The following BCAT2 variants were observed in gnomAD, a reference collection of about 807,000 sequenced individuals.
BCAT2 encodes the protein branched-chain-amino-acid aminotransferase, mitochondrial.
In BCAT2, 44 loss-of-function variants were observed where a neutral mutation model predicts 52.9. The observed-to-expected ratio is 0.83, with a 90% CI of 0.65 to 1.07. BCAT2 has a LOEUF of 1.07. BCAT2 is among the 50% of genes least tolerant of loss of function. The probability of loss-of-function intolerance (pLI) is 0.00; values close to 1 mark genes in which losing one functional copy is unlikely to be tolerated. For synonymous variants in BCAT2, 215 were observed against 217.1 expected, an observed-to-expected ratio of 0.99 and a Z score of 0.08; for missense variants, 478 against 521.8, an observed-to-expected ratio of 0.92 and a Z score of 0.82.
chr19:48,800,377 A>G, intron 3 of BCAT2, 80 bp from the exon 4 acceptor site: 1 of 1,247,776 alleles, frequency 8.0e-7, no homozygotes, highest in Non-Finnish European at 1.1e-6. Context: ...AGAGACAGAT[A>G]CACAAAGACA....
Position 48,799,435 on chromosome 19 carries a change from C to T in BCAT2, c.695+240G>A, listed in dbSNP as rs1599796914. 1.3e-5 allele frequency: 7 copies of T among 523,326 alleles called. 1 individual carries two copies. Among genetic ancestry groups the T allele is most frequent in the African/African-American group, 6.0e-5 (3 of 49,964 alleles). 32.4% of individuals were successfully genotyped at this position (523,326 alleles called of 1,614,324 possible). ...GACCAGTCCTGGTTTCCCCACTGAC[C>T]TCCACCCAATGCCTTCCCATCTGTG... On this transcript the variant is annotated intron_variant, in intron 6 of 10. Coordinates refer to ENST00000316273, the MANE Select transcript of BCAT2 (RefSeq NM_001190.4). The surrounding 1 kb of genome is among the most constrained non-coding windows in gnomAD (Gnocchi z 5.5).
At chr19:48,796,780 T>C in intron 8 of BCAT2, 62 bp from the exon 9 acceptor site, 4 of 1,589,882 alleles carry the variant, frequency 2.5e-6, no homozygotes, top group Non-Finnish European at 3.4e-6. Flanking sequence ...GACCTCCACC[T>C]CTCCCTCCCT....
rs561584567 is a variant in BCAT2 at position 48,807,456 on chromosome 19, G to T, written c.25-382C>A. ...GACAGGCCTTAGAAGACCAAGGACC[G>T]ACAGGTCCTGCTCCCCCAGAGCTCA... On this transcript the variant is annotated intron_variant, in intron 1 of 10. Transcript: ENST00000316273. This position sits in a 1 kb window ranked among gnomAD's most constrained non-coding sequence, Gnocchi z 4.6. The T allele has an allele frequency of 1.0e-4, 20 of 192,662 alleles. No individual in the cohort carries two copies. Among genetic ancestry groups the T allele is most frequent in the Non-Finnish European group, 1.7e-4 (16 of 92,726 alleles). 11.9% of individuals were successfully genotyped at this position (192,662 alleles called of 1,614,324 possible).
chr19:48,803,231 C>T (rs1003007836), intron 3 of BCAT2, among the ~76,000 whole-genome samples: 4 of 150,780 alleles, frequency 2.7e-5, no homozygotes, highest in African/African-American at 9.8e-5. Flanking sequence ...TAAAAGAGCC[C>T]GGATACACCG....
At position 48,807,654 on chromosome 19, in the gene BCAT2, C is replaced by T. The variant is rs1034669585; in HGVS notation, c.25-580G>A. On this transcript the variant is annotated intron_variant, in intron 1 of 10. Transcript: ENST00000316273. The surrounding 1 kb of genome is among the most constrained non-coding windows in gnomAD (Gnocchi z 4.6). ...CAGGAGTACAGGCCCCACCCCTCCT[C>T]CCTCAGACCCAGGAGTCCAGTTCCC... 3.5e-5 allele frequency: 32 copies of T among 918,440 alleles called. No homozygotes were observed. Among genetic ancestry groups the T allele is most frequent in the Non-Finnish European group, 4.2e-5 (32 of 767,872 alleles). The allele number at this position is 918,440 out of a possible 1,614,324, so 56.9% of individuals were successfully genotyped here.
chr19:48,800,673 G>A (rs901803092), intron 3 of BCAT2, among the ~76,000 whole-genome samples: 5 of 152,156 alleles, frequency 3.3e-5, no homozygotes, highest in Non-Finnish European at 5.9e-5. Flanking sequence ...TTAGCCAGAC[G>A]TGGTAGCACG....
rs2034465246 is a variant in BCAT2, at chr19:48,795,081, T to A, written c.*345A>T. The A allele has an allele frequency of 2.7e-6, 1 of 375,356 alleles. No individual in the cohort carries two copies. The highest frequency in any genetic ancestry group is 4.9e-6 in the Non-Finnish European group (1 of 202,804). 23.3% of individuals were successfully genotyped at this position (375,356 alleles called of 1,614,324 possible). ...CGACAATGTGTGTTCTTTGGCATTTTATTTCAAAATTGCAGCAAAGACAGA... is the reference window on the plus strand; with the variant it reads ...CGACAATGTGTGTTCTTTGGCATTTAATTTCAAAATTGCAGCAAAGACAGA... On this transcript the variant is annotated 3_prime_UTR_variant, in exon 11 of 11. Coordinates refer to ENST00000316273, the MANE Select transcript of BCAT2 (RefSeq NM_001190.4).
intron 3 of BCAT2, 48 bp from the exon 4 acceptor site, chr19:48,800,345 C>A: frequency 6.6e-7 from 1 of 1,521,284 alleles, no homozygotes; most frequent in South Asian, 1.1e-5. Context: ...TCCAGACAGT[C>A]ATGAGAGACA....
chr19:48,795,581 G>T, intron 10 of BCAT2, 117 bp from the exon 11 acceptor site: 1 of 1,200,672 alleles, frequency 8.3e-7, no homozygotes. Flanking sequence ...CACGGGAAAT[G>T]TAGTCCACTT....
At chr19:48,796,245 C>A in intron 10 of BCAT2, 183 bp downstream of exon 10, 1 of 739,486 alleles carries the variant, frequency 1.4e-6, no homozygotes, top group South Asian at 1.8e-5. Context: ...TGATTTAGCC[C>A]CAAGGGGTTT....
At chr19:48,805,161 A>G (rs2034739335) in intron 3 of BCAT2, among the ~76,000 whole-genome samples, 1 of 152,252 alleles carries the variant, frequency 6.6e-6, no homozygotes, top group East Asian at 1.9e-4. Flanking sequence ...TGTCTCAACC[A>G]AAGTTTCCTT....
chr19:48,797,247 T>C lies in BCAT2; in HGVS notation c.782A>G (p.Gln261Arg). The C allele has an allele frequency of 1.9e-6, 3 of 1,613,924 alleles. No individual in the cohort carries two copies. Among genetic ancestry groups the C allele is most frequent in the Non-Finnish European group, 2.5e-6 (3 of 1,179,946 alleles). ...GTTCATGGTTCCCACCTCGGTGAGC[T>C]GGTGGTCGGGCCCATACAGCCAGAG... ...QVLWLYGPDH[Q>R]LTEVGTMNIF... Residue 261 changes from glutamine (Q) to arginine (R), a missense_variant, in exon 7 of 11, where the codon CAG (glutamine) becomes CGG (arginine). Gln to Arg is a conservative substitution (Grantham distance 43). Transcript: ENST00000316273.
chr19:48,807,092 TGA>T lies in BCAT2; in HGVS notation c.25-20_25-19del, dbSNP rs767337436. ...GCCCAGATCTGGGTGGAGAAAGAAG[TGA>T]GAGAGGGGGTGAGTGGGGCACAGCA... On this transcript the variant is annotated intron_variant, in intron 1 of 10. Transcript: ENST00000316273. This position sits in a 1 kb window ranked among gnomAD's most constrained non-coding sequence, Gnocchi z 4.6. 7.5e-6 allele frequency: 12 copies of T among 1,607,828 alleles called. No individual in the cohort carries two copies. In the African/African-American group the frequency reaches 1.3e-4, roughly 18 times the overall value.
At chr19:48,797,092 C>T (rs1244301571) in intron 7 of BCAT2, 70 bp from the exon 8 acceptor site, 2 of 1,608,682 alleles carry the variant, frequency 1.2e-6, no homozygotes, top group African/African-American at 2.7e-5. Flanking sequence ...AGAGCCACCC[C>T]CTTCCCCCAT....
At chr19:48,810,698 C>A (rs1489679020) in intron 1 of BCAT2, 5 of 940,822 alleles carry the variant, frequency 5.3e-6, no homozygotes, top group African/African-American at 1.8e-5. Flanking sequence ...TCCCCACCCC[C>A]ACGCCTCCCT....
At chr19:48,805,282 C>T (rs1237777236) in intron 3 of BCAT2, among the ~76,000 whole-genome samples, 2 of 152,106 alleles carry the variant, frequency 1.3e-5, no homozygotes, top group Admixed American at 6.5e-5. Context: ...CACAAAGCCG[C>T]TCCTCCTCCT....
Position 48,795,433 on chromosome 19 carries a change from G to A in BCAT2, c.1172C>T (p.Pro391Leu), listed in dbSNP as rs887854220. Residue 391 changes from proline to leucine, a missense_variant, in exon 11 of 11, where the codon CCG (proline) becomes CTG (leucine). Coordinates refer to ENST00000316273, the MANE Select transcript of BCAT2 (RefSeq NM_001190.4). ...GGAGCACAGCCTGCAGCTTCACACCGGGAACATCCACTCGTGGGCTCTGAT... is the reference window on the plus strand; with the variant it reads ...GGAGCACAGCCTGCAGCTTCACACCAGGAACATCCACTCGTGGGCTCTGAT... ...YGIRAHEWMF[P>L]V 6.8e-6 allele frequency: 11 copies of A among 1,613,832 alleles called. No individual in the cohort carries two copies. The highest frequency in any genetic ancestry group is 1.6e-4 in the Middle Eastern group (1 of 6,084).
chr19:48,806,556 CGTGAGGTTCTGGA>C lies in BCAT2; in HGVS notation c.248_260del (p.Phe83CysfsTer19). 6.2e-7 allele frequency: 1 copy of C among 1,614,030 alleles called. No individual in the cohort carries two copies. Among genetic ancestry groups the C allele is most frequent in the Non-Finnish European group, 8.5e-7 (1 of 1,179,984 alleles). On this transcript the variant is annotated frameshift_variant, in exon 3 of 11. Coordinates refer to ENST00000316273, the MANE Select transcript of BCAT2 (RefSeq NM_001190.4). LOFTEE classifies it high-confidence loss of function. Reference sequence around the variant, plus strand: ...GGAGGCTGGAGGAGGCTGGGTGCAGCGTGAGGTTCTGGAAGGGCTGGATTCGGGGCTGGCCCCA... The same window carrying C: ...GGAGGCTGGAGGAGGCTGGGTGCAGCAGGGCTGGATTCGGGGCTGGCCCCA...
chr19:48,800,259 C>T lies in BCAT2; in HGVS notation c.339G>A (p.Gln113=). ...EGMKAFKGKD[Q]QVRLFRPWLN... ...GCCAGGGGCGGAAGAGGCGCACCTG[C>T]TGGTCTTTGCCTTTGAACGCCTTCA... Residue 113 remains glutamine, a synonymous_variant, in exon 4 of 11, where the codon CAG becomes CAA. Coordinates refer to ENST00000316273, the MANE Select transcript of BCAT2 (RefSeq NM_001190.4). 1 of 1,613,850 alleles carries T rather than the reference C, an allele frequency of 6.2e-7. No homozygotes were observed. Among genetic ancestry groups the T allele is most frequent in the Non-Finnish European group, 8.5e-7 (1 of 1,180,026 alleles).
Sources: allele counts gnomAD v4.1 joint callset (sites outside exome capture counted in the v4.1 genomes callset), GRCh38; gene constraint gnomAD v4.1.1; non-coding constraint Gnocchi (gnomAD v3.1); transcripts MANE v1.5; gene names NCBI Gene and HGNC (gene_info 2026-07-23, HGNC 2026-07-21).